Variants in PRIM2 observed in about 807,000 individuals in gnomAD.
The protein encoded by PRIM2 is DNA primase subunit 2, also known as DNA primase large subunit.
PRIM2 carries 39 observed loss-of-function variants against 67.3 expected under a neutral mutation model. That is an observed-to-expected ratio of 0.58 (90% CI 0.45 to 0.76). PRIM2 has a LOEUF of 0.76. Ranked by LOEUF, PRIM2 falls within the 30% of genes least tolerant of loss-of-function variation. The pLI is 0.00. For missense variants in PRIM2, 398 were observed against 598.7 expected, an observed-to-expected ratio of 0.66 and a Z score of 3.50; for synonymous variants, 143 against 198.7, an observed-to-expected ratio of 0.72 and a Z score of 2.36.
At position 57,479,608 on chromosome 6, in the gene PRIM2, G is replaced by A. The variant is rs1333249095; in HGVS notation, c.694-27779G>A. ...ACTGTATTACAGAGGGAAAAGGTTTGCTCTCTCTTTCACAGCTGTATATAT... is the reference window on the plus strand; with the variant it reads ...ACTGTATTACAGAGGGAAAAGGTTTACTCTCTCTTTCACAGCTGTATATAT... On this transcript the variant is annotated intron_variant, in intron 7 of 13. Transcript: ENST00000615550. Among the ~76,000 whole-genome samples the A allele has an allele frequency of 9.3e-3, 1,414 of 152,288 alleles. 13 individuals carry two copies. The highest frequency in any genetic ancestry group is 0.024 in the Middle Eastern group (7 of 294).
intron 7 of PRIM2, among the ~76,000 whole-genome samples, chr6:57,455,416 A>G (rs1224022587): frequency 2.0e-5 from 3 of 152,144 alleles, no homozygotes; most frequent in Non-Finnish European, 2.9e-5. Context: ...ATTGTGTGGT[A>G]GTCTAAGTCT....
the PRIM2 span, among the ~76,000 whole-genome samples, chr6:57,283,903 A>G: frequency 1.3e-5 from 2 of 152,104 alleles, no homozygotes; most frequent in African/African-American, 4.8e-5. Context: ...GCTAACTCCT[A>G]AAATCACAGT....
chr6:57,566,786 G>A (rs1291914157), intron 10 of PRIM2, among the ~76,000 whole-genome samples: 1 of 152,122 alleles, frequency 6.6e-6, no homozygotes, highest in Non-Finnish European at 1.5e-5. Context: ...GGAAAGAATA[G>A]GTAATTTCAT....
chr6:57,338,314 G>T (rs972996094), intron 5 of PRIM2, among the ~76,000 whole-genome samples: 8 of 152,190 alleles, frequency 5.3e-5, no homozygotes, highest in East Asian at 1.9e-4. Context: ...TCTGAAACTA[G>T]TCCAATGAAT....
rs1210644370 is a variant in PRIM2 at position 57,628,971 on chromosome 6, T to C, written c.1231-3162T>C. On this transcript the variant is annotated intron_variant, in intron 12 of 13. Coordinates refer to ENST00000615550, the MANE Select transcript of PRIM2 (RefSeq NM_000947.5). The stretch of plus-strand genomic sequence containing the variant: ...GTAATTTTGATCCTATATCATAAGC[T>C]GAATTTTAGTGTCTTGGTCATACCT... 4.6e-5 allele frequency among the ~76,000 whole-genome samples: 7 copies of C among 152,326 alleles called. No homozygotes were observed. The East Asian group carries it at 1.3e-3, about 29-fold the overall frequency.
intron 10 of PRIM2, among the ~76,000 whole-genome samples, chr6:57,544,306 G>A (rs1369533555): frequency 2.3e-4 from 35 of 152,092 alleles, no homozygotes; most frequent in Admixed American, 2.2e-3. Flanking sequence ...AGGTTATCTC[G>A]GGGCTGGCAT....
At chr6:57,224,273 G>T in the PRIM2 span, among the ~76,000 whole-genome samples, 800 of 152,264 alleles carry the variant, frequency 5.3e-3, 8 homozygotes, top group African/African-American at 0.017. Flanking sequence ...AAATAAAAGA[G>T]AGAGAGGGAA....
chr6:57,548,742 G>T (rs1362243767), intron 10 of PRIM2, among the ~76,000 whole-genome samples: 8 of 152,108 alleles, frequency 5.3e-5, no homozygotes, highest in African/African-American at 2.4e-5. Flanking sequence ...GAAAAATTAT[G>T]AATTGGTAAA....
At chr6:57,306,221 T>C in the PRIM2 span, among the ~76,000 whole-genome samples, 1 of 152,214 alleles carries the variant, frequency 6.6e-6, no homozygotes, top group South Asian at 2.1e-4. Flanking sequence ...ATATGGTTCC[T>C]ATCCTGTGTG....
the PRIM2 span, among the ~76,000 whole-genome samples, chr6:57,309,284 TC>T: frequency 2.4e-5 from 2 of 84,858 alleles, no homozygotes; most frequent in Non-Finnish European, 4.4e-5. Context: ...ATGCTATCCC[TC>T]CCCCCTCCCC....
chr6:57,364,236 G>A (rs1769282643), intron 5 of PRIM2, among the ~76,000 whole-genome samples: 1 of 152,062 alleles, frequency 6.6e-6, no homozygotes, highest in Non-Finnish European at 1.5e-5. Flanking sequence ...GCTATGGTTT[G>A]TGATTGTCTT....
the PRIM2 span, among the ~76,000 whole-genome samples, chr6:57,307,912 A>AC: frequency 6.6e-6 from 1 of 152,084 alleles, no homozygotes; most frequent in African/African-American, 2.4e-5. Context: ...AGAGCAGGGG[A>AC]GGGGGCTAGA....
intron 5 of PRIM2, among the ~76,000 whole-genome samples, chr6:57,339,376 A>C (rs1768388150): frequency 6.6e-6 from 1 of 152,276 alleles, no homozygotes; most frequent in South Asian, 2.1e-4. Flanking sequence ...ATATGGAACC[A>C]AAAAAGAGCC....
chr6:57,294,060 ATATAT>A, the PRIM2 span, among the ~76,000 whole-genome samples: 1 of 152,238 alleles, frequency 6.6e-6, no homozygotes, highest in East Asian at 1.9e-4. Flanking sequence ...AATTAGTTAA[ATATAT>A]TATGGTATAG....
the PRIM2 span, among the ~76,000 whole-genome samples, chr6:57,279,496 A>G: frequency 6.6e-6 from 1 of 152,088 alleles, no homozygotes; most frequent in South Asian, 2.1e-4. Context: ...GGAACTCATG[A>G]CTGCTGGAAC....
rs1234662330 is a variant in PRIM2 at position 57,646,487 on chromosome 6, G to A, written c.*329G>A. On this transcript the variant is annotated 3_prime_UTR_variant, in exon 14 of 14. Transcript: ENST00000615550. ...CAGCGTCCCAGAGTGCTGGGATTAC[G>A]GTTGTGAGCCACTGTGCCTGGCCTT... 0.52 allele frequency: 110,318 copies of A among 213,622 alleles called. 29,970 individuals carry two copies. The highest frequency in any genetic ancestry group is 0.69 in the East Asian group (5,735 of 8,344). 13.2% of individuals were successfully genotyped at this position (213,622 alleles called of 1,614,324 possible).
At chr6:57,611,043 AC>A (rs1776656953) in intron 12 of PRIM2, among the ~76,000 whole-genome samples, 1 of 152,102 alleles carries the variant, frequency 6.6e-6, no homozygotes, top group Non-Finnish European at 1.5e-5. Flanking sequence ...AAGAAAGAAA[AC>A]CTTTTTCTAT....
the PRIM2 span, among the ~76,000 whole-genome samples, chr6:57,229,883 C>T: frequency 2.0e-3 from 26 of 12,976 alleles, no homozygotes; most frequent in East Asian, 0.079. Flanking sequence ...CGATGACTCT[C>T]CCTCATGCCT....
intron 7 of PRIM2, among the ~76,000 whole-genome samples, chr6:57,482,353 G>A (rs1315253197): frequency 1.3e-5 from 2 of 152,014 alleles, no homozygotes; most frequent in African/African-American, 4.8e-5. Context: ...TTTTTCTTGG[G>A]GAAGAGCACT....
Sources: allele counts gnomAD v4.1 joint callset (sites outside exome capture counted in the v4.1 genomes callset), GRCh38; gene constraint gnomAD v4.1.1; transcripts MANE v1.5; gene names NCBI Gene and HGNC (gene_info 2026-07-23, HGNC 2026-07-21).